EDA: variants seen among roughly 807,000 people sequenced by gnomAD.
EDA encodes the protein ectodysplasin-A.
EDA carries 2 observed loss-of-function variants against 23.6 expected under a neutral mutation model. That is an observed-to-expected ratio of 0.08 (90% CI 0.03 to 0.27). The LOEUF is 0.27. EDA is among the 10% of genes least tolerant of loss of function. EDA has a pLI of 1.00. For synonymous variants in EDA, 131 were observed against 132.0 expected, an observed-to-expected ratio of 0.99 and a Z score of 0.05; for missense variants, 229 against 324.2, an observed-to-expected ratio of 0.71 and a Z score of 2.26.
intron 1 of EDA, among the ~76,000 whole-genome samples, chrX:69,807,551 C>G (rs887819236): frequency 9.5e-6 from 1 of 105,628 alleles, no homozygotes; most frequent in African/African-American, 3.5e-5. Flanking sequence ...GCCTCTTTTA[C>G]CACAGTTTTT....
At chrX:69,974,300 G>A (rs2019287644) in intron 2 of EDA, among the ~76,000 whole-genome samples, 1 of 110,587 alleles carries the variant, frequency 9.0e-6, no homozygotes, top group African/African-American at 3.3e-5. Flanking sequence ...AAGCAATGGG[G>A]GAAAGGAGTC....
chrX:69,872,536 T>C (rs984499484), intron 1 of EDA, among the ~76,000 whole-genome samples: 6 of 111,370 alleles, frequency 5.4e-5, no homozygotes, highest in Non-Finnish European at 9.4e-5. Flanking sequence ...CACATGAACT[T>C]AGATAAAGGG....
At chrX:69,840,745 A>G (rs1602471458) in intron 1 of EDA, among the ~76,000 whole-genome samples, 1 of 112,034 alleles carries the variant, frequency 8.9e-6, no homozygotes, top group East Asian at 2.8e-4. Context: ...GGGAAGTCTA[A>G]GATCAAGCTC....
chrX:69,734,900 G>A (rs2013193319), intron 1 of EDA, among the ~76,000 whole-genome samples: 2 of 111,257 alleles, frequency 1.8e-5, no homozygotes, highest in Non-Finnish European at 3.8e-5. Flanking sequence ...TGGAGGAATT[G>A]GAACCCTTCT....
chrX:70,029,463 C>T, intron 4 of EDA, 41 bp from the exon 5 acceptor site: 1 of 1,206,711 alleles, frequency 8.3e-7, no homozygotes, highest in East Asian at 3.0e-5. Flanking sequence ...AAAAGGAAGT[C>T]AAAAGATTAT....
intron 1 of EDA, among the ~76,000 whole-genome samples, chrX:69,658,346 C>T (rs1933382530): frequency 9.2e-6 from 1 of 109,255 alleles, no homozygotes; most frequent in African/African-American, 3.3e-5. Context: ...ATTTTGTATC[C>T]TGAGACTTTG....
intron 1 of EDA, among the ~76,000 whole-genome samples, chrX:69,697,954 G>T (rs950446173): frequency 8.9e-6 from 1 of 112,071 alleles, no homozygotes; most frequent in African/African-American, 3.2e-5. Context: ...ATAAATTGCC[G>T]CATGCATTTG....
intron 1 of EDA, among the ~76,000 whole-genome samples, chrX:69,955,786 TA>T (rs1371766867): frequency 8.9e-6 from 1 of 111,981 alleles, no homozygotes; most frequent in African/African-American, 3.2e-5. Flanking sequence ...ATGAGGAAAC[TA>T]AAGTTTAAGT....
At chrX:69,748,790 A>G (rs2013706871) in intron 1 of EDA, among the ~76,000 whole-genome samples, 1 of 111,621 alleles carries the variant, frequency 9.0e-6, no homozygotes, top group African/African-American at 3.3e-5. Flanking sequence ...AGCCTCCCTC[A>G]TAAGGTTGTT....
intron 1 of EDA, among the ~76,000 whole-genome samples, chrX:69,812,218 C>A (rs1345005056): frequency 8.9e-6 from 1 of 111,979 alleles, no homozygotes; most frequent in Non-Finnish European, 1.9e-5. Context: ...CTTTTTGATG[C>A]TGTACTGAAA....
chrX:69,982,371 A>T, intron 2 of EDA, among the ~76,000 whole-genome samples: 1 of 111,377 alleles, frequency 9.0e-6, no homozygotes. Context: ...AAACCCACAA[A>T]GGAGCGTTGC....
chrX:70,010,554 C>T (rs1428113936), intron 2 of EDA, among the ~76,000 whole-genome samples: 1 of 111,813 alleles, frequency 8.9e-6, no homozygotes, highest in Non-Finnish European at 1.9e-5. Context: ...TTTCTTCATT[C>T]ACTCTGGCAG....
intron 1 of EDA, among the ~76,000 whole-genome samples, chrX:69,655,852 A>G (rs1428311196): frequency 1.0e-5 from 1 of 99,757 alleles, no homozygotes; most frequent in East Asian, 3.4e-4. Context: ...AAACCTCACA[A>G]CAAAATACCT....
intron 1 of EDA, among the ~76,000 whole-genome samples, chrX:69,696,426 A>T (rs1347621512): frequency 3.6e-5 from 4 of 111,955 alleles, no homozygotes; most frequent in African/African-American, 1.3e-4. Context: ...TTTATCTTCC[A>T]CAAACCTTCT....
Position 69,750,907 on chromosome X carries a change from A to C in EDA, c.396+134203A>C, listed in dbSNP as rs1305049071. Among the ~76,000 whole-genome samples, 3 of 111,270 alleles carry C rather than the reference A, an allele frequency of 2.7e-5. No homozygotes were observed. The East Asian group carries it at 8.5e-4, about 31-fold the overall frequency. On this transcript the variant is annotated intron_variant, in intron 1 of 7. Transcript: ENST00000374552. ...TCTTATAAATTTGTTTAAGTTCTTCATAGATTCTGGATATTAGCCCTTTGT... is the reference window on the plus strand; with the variant it reads ...TCTTATAAATTTGTTTAAGTTCTTCCTAGATTCTGGATATTAGCCCTTTGT...
chrX:69,680,900 C>G (rs1370113980), intron 1 of EDA, among the ~76,000 whole-genome samples: 1 of 104,426 alleles, frequency 9.6e-6, no homozygotes, highest in Non-Finnish European at 2.0e-5. Context: ...TTAGTTGATG[C>G]AGTTTCTTCC....
intron 1 of EDA, among the ~76,000 whole-genome samples, chrX:69,675,521 C>G (rs1276916534): frequency 1.8e-5 from 2 of 111,673 alleles, no homozygotes; most frequent in African/African-American, 3.3e-5. Flanking sequence ...CCTTCCTCCT[C>G]TTTTGCTCCA....
At chrX:69,807,073 C>T (rs2015831819) in intron 1 of EDA, among the ~76,000 whole-genome samples, 1 of 110,145 alleles carries the variant, frequency 9.1e-6, no homozygotes, top group African/African-American at 3.3e-5. Flanking sequence ...AGTTATATAC[C>T]ATCCACATTT....
chrX:69,995,536 T>G (rs1392244771), intron 2 of EDA, among the ~76,000 whole-genome samples: 1 of 111,559 alleles, frequency 9.0e-6, no homozygotes, highest in African/African-American at 3.3e-5. Flanking sequence ...CTGTTGAATC[T>G]CTCTGGTCCA....
Sources: allele counts gnomAD v4.1 joint callset (sites outside exome capture counted in the v4.1 genomes callset), GRCh38; gene constraint gnomAD v4.1.1; transcripts MANE v1.5; gene names NCBI Gene and HGNC (gene_info 2026-07-23, HGNC 2026-07-21).